ZNF143: variants seen among roughly 807,000 people sequenced by gnomAD.
ZNF143 encodes the protein zinc finger protein 143.
ZNF143 carries 49 observed loss-of-function variants against 74.1 expected under a neutral mutation model. That is an observed-to-expected ratio of 0.66 (90% CI 0.53 to 0.84). The LOEUF (loss-of-function observed/expected upper bound fraction) is 0.84. ZNF143 is among the 40% of genes least tolerant of loss of function. The pLI is 0.00. For missense variants in ZNF143, 637 were observed against 793.4 expected (o/e 0.80, Z 2.37); for synonymous variants, 304 against 282.8 (o/e 1.07, Z -0.75).
chr11:9,503,044 G>T (rs1033440495), intron 11 of ZNF143, among the ~76,000 whole-genome samples: 1 of 152,058 alleles, frequency 6.6e-6, no homozygotes, highest in Non-Finnish European at 1.5e-5. Flanking sequence ...TGTTAGCCAG[G>T]ACGGTCTCGA....
chr11:9,478,918 A>T (rs943878481), intron 6 of ZNF143, among the ~76,000 whole-genome samples: 19 of 152,342 alleles, frequency 1.2e-4, no homozygotes, highest in Admixed American at 9.8e-4. Context: ...GTAAAGACTT[A>T]TAGAAGAGAA....
At chr11:9,491,793 C>T (rs1314819028) in intron 7 of ZNF143, among the ~76,000 whole-genome samples, 1 of 152,134 alleles carries the variant, frequency 6.6e-6, no homozygotes, top group Non-Finnish European at 1.5e-5. Flanking sequence ...CCATGCACAG[C>T]TGATGTTTTT....
At chr11:9,503,213 T>C (rs1446782316) in intron 11 of ZNF143, among the ~76,000 whole-genome samples, 1 of 150,472 alleles carries the variant, frequency 6.6e-6, no homozygotes, top group African/African-American at 2.4e-5. Context: ...TATTTCATTA[T>C]ATGGATGTAC....
Position 9,503,454 on chromosome 11 carries a change from C to T in ZNF143, c.1147+2184C>T, listed in dbSNP as rs1040480595. On this transcript the variant is annotated intron_variant, in intron 11 of 15. Transcript: ENST00000396602. ...CAAACTGTTCTCCCAAGTGGCTGCA[C>T]CATTTTACAGTCTCATCAGCAATGG... 5.3e-5 allele frequency among the ~76,000 whole-genome samples: 8 copies of T among 152,116 alleles called. 1 individual carries two copies. Among genetic ancestry groups the T allele is most frequent in the African/African-American group, 1.9e-4 (8 of 41,400 alleles).
chr11:9,473,903 G>C, intron 3 of ZNF143, 38 bp from the exon 4 acceptor site: 1 of 1,613,298 alleles, frequency 6.2e-7, no homozygotes, highest in Non-Finnish European at 8.5e-7. Flanking sequence ...TAAAATTTTT[G>C]TTTGTGCCAA....
intron 5 of ZNF143, among the ~76,000 whole-genome samples, chr11:9,476,453 A>G (rs1228534528): frequency 1.3e-5 from 2 of 151,536 alleles, no homozygotes; most frequent in Admixed American, 1.3e-4. Flanking sequence ...GCTCACTGCA[A>G]CCTCCGCCTC....
intron 5 of ZNF143, among the ~76,000 whole-genome samples, chr11:9,476,753 T>G (rs1211051934): frequency 1.0e-5 from 1 of 98,070 alleles, no homozygotes. Context: ...AATCTTTTTT[T>G]TTTTTTTTTT....
At chr11:9,499,266 G>A (rs1345734737) in intron 10 of ZNF143, among the ~76,000 whole-genome samples, 1 of 152,080 alleles carries the variant, frequency 6.6e-6, no homozygotes, top group Non-Finnish European at 1.5e-5. Flanking sequence ...GGATGTTACA[G>A]AATCAGAGTA....
intron 7 of ZNF143, 79 bp downstream of exon 7, chr11:9,479,625 A>G (rs1847160200): frequency 8.8e-7 from 1 of 1,140,974 alleles, no homozygotes; most frequent in African/African-American, 1.6e-5. Context: ...AAGAATAGGT[A>G]ACTCACTACC....
intron 11 of ZNF143, among the ~76,000 whole-genome samples, chr11:9,507,201 GCA>G (rs144847401): frequency 0.014 from 2,095 of 152,290 alleles, 28 homozygotes; most frequent in Non-Finnish European, 0.024. Context: ...TGCGAAAGGT[GCA>G]GTTACCCAAG....
intron 1 of ZNF143, among the ~76,000 whole-genome samples, chr11:9,467,951 T>C (rs778921155): frequency 2.0e-4 from 31 of 152,292 alleles, no homozygotes; most frequent in Non-Finnish European, 3.7e-4. Context: ...ATGAGCAATT[T>C]GGGTGATAAA....
chr11:9,486,452 T>TA (rs1211139614), intron 7 of ZNF143, among the ~76,000 whole-genome samples: 9 of 67,984 alleles, frequency 1.3e-4, no homozygotes, highest in Non-Finnish European at 2.6e-4. Flanking sequence ...ATATTATATA[T>TA]ATTATATATA....
Position 9,511,545 on chromosome 11 carries a change from G to A in ZNF143, c.1376-903G>A, listed in dbSNP as rs566707452. ...TCTCGATCTCCTGACCTCATGATCCGCCCGCCTTGGCCTCCCAAAGTGCTG... is the reference window on the plus strand; with the variant it reads ...TCTCGATCTCCTGACCTCATGATCCACCCGCCTTGGCCTCCCAAAGTGCTG... On this transcript the variant is annotated intron_variant, in intron 12 of 15. Transcript: ENST00000396602. Among the ~76,000 whole-genome samples, 149 of 148,612 alleles carry A rather than the reference G, an allele frequency of 1.0e-3. 1 individual carries two copies. Among genetic ancestry groups the A allele is most frequent in the Admixed American group, 8.5e-3 (127 of 14,868 alleles).
chr11:9,476,119 A>G (rs1441655976), intron 5 of ZNF143, among the ~76,000 whole-genome samples: 1 of 152,058 alleles, frequency 6.6e-6, no homozygotes, highest in Non-Finnish European at 1.5e-5. Flanking sequence ...TGATGAGTAC[A>G]GCTCTGCAAC....
intron 1 of ZNF143, among the ~76,000 whole-genome samples, chr11:9,466,517 A>G (rs1339777906): frequency 1.3e-5 from 2 of 151,452 alleles, no homozygotes; most frequent in African/African-American, 4.9e-5. Context: ...GGTGGTCTCG[A>G]ACTCCTGACC....
chr11:9,520,656 G>C (rs1388584956), intron 14 of ZNF143, among the ~76,000 whole-genome samples: 1 of 152,114 alleles, frequency 6.6e-6, no homozygotes, highest in Non-Finnish European at 1.5e-5. Context: ...GCATGGTGTG[G>C]TGTGCACCTT....
chr11:9,502,753 C>T (rs1003881604), intron 11 of ZNF143, among the ~76,000 whole-genome samples: 2 of 152,208 alleles, frequency 1.3e-5, no homozygotes, highest in Non-Finnish European at 1.5e-5. Context: ...CACCCCGCCC[C>T]CCAGGTGTAA....
intron 13 of ZNF143, among the ~76,000 whole-genome samples, 197 bp from the exon 14 acceptor site, chr11:9,516,000 TAAAA>T (rs200325533): frequency 6.6e-6 from 1 of 151,526 alleles, no homozygotes; most frequent in African/African-American, 2.4e-5. Flanking sequence ...ATAATAATAA[TAAAA>T]AAATAATAAA....
chr11:9,525,963 G>A (rs1467266288), intron 15 of ZNF143, among the ~76,000 whole-genome samples: 1 of 152,100 alleles, frequency 6.6e-6, no homozygotes, highest in Non-Finnish European at 1.5e-5. Context: ...GCAACATGGT[G>A]AAAACCATCA....
Sources: allele counts gnomAD v4.1 joint callset (sites outside exome capture counted in the v4.1 genomes callset), GRCh38; gene constraint gnomAD v4.1.1; transcripts MANE v1.5; gene names NCBI Gene and HGNC (gene_info 2026-07-23, HGNC 2026-07-21).